Variants in SLC24A3 observed in about 807,000 individuals in gnomAD.
SLC24A3 encodes solute carrier family 24 member 3.
A neutral mutation model predicts 75.8 loss-of-function variants in SLC24A3; 28 were observed. The observed-to-expected ratio is 0.37, with a 90% CI of 0.27 to 0.51. The LOEUF (loss-of-function observed/expected upper bound fraction) is 0.51. SLC24A3 is among the 20% of genes least tolerant of loss of function. The pLI, the probability that SLC24A3 is intolerant of heterozygous loss-of-function variation, is 0.94. For synonymous variants in SLC24A3, 372 were observed against 334.1 expected, an observed-to-expected ratio of 1.11 and a Z score of -1.24; for missense variants, 663 against 847.8, an observed-to-expected ratio of 0.78 and a Z score of 2.71.
intron 2 of SLC24A3, among the ~76,000 whole-genome samples, chr20:19,400,882 G>C (rs188608125): frequency 5.4e-4 from 82 of 152,156 alleles, no homozygotes; most frequent in Non-Finnish European, 1.1e-3. Flanking sequence ...TATATATTTT[G>C]CTTATTTATT....
chr20:19,255,350 T>C (rs949842805), intron 1 of SLC24A3, among the ~76,000 whole-genome samples: 2 of 152,256 alleles, frequency 1.3e-5, no homozygotes, highest in Non-Finnish European at 2.9e-5. Flanking sequence ...TGATCGTGGC[T>C]GGGCTGTCCC....
intron 7 of SLC24A3, among the ~76,000 whole-genome samples, chr20:19,664,570 C>T (rs942399760): frequency 1.3e-5 from 2 of 152,178 alleles, no homozygotes; most frequent in Admixed American, 6.5e-5. Context: ...GAGGTGTTCT[C>T]TACGTCTCTA....
At chr20:19,489,142 T>G (rs1473511986) in intron 2 of SLC24A3, among the ~76,000 whole-genome samples, 1 of 152,188 alleles carries the variant, frequency 6.6e-6, no homozygotes, top group Non-Finnish European at 1.5e-5. Context: ...CATTCAGAAC[T>G]CCTACAGCCT....
At chr20:19,336,755 A>G (rs1985145770) in intron 2 of SLC24A3, among the ~76,000 whole-genome samples, 1 of 143,284 alleles carries the variant, frequency 7.0e-6, no homozygotes, top group African/African-American at 2.6e-5. Context: ...CAGGGAGAAA[A>G]CCACTCCTTC....
intron 3 of SLC24A3, among the ~76,000 whole-genome samples, chr20:19,522,575 C>T (rs1481661456): frequency 6.6e-6 from 1 of 152,224 alleles, no homozygotes; most frequent in Admixed American, 6.5e-5. Flanking sequence ...TTTTGATCTT[C>T]ACCGTCTCTT....
intron 9 of SLC24A3, among the ~76,000 whole-genome samples, chr20:19,677,230 C>A (rs956523260): frequency 2.0e-5 from 3 of 148,370 alleles, no homozygotes; most frequent in Non-Finnish European, 4.4e-5. Flanking sequence ...AAAGCTGGAG[C>A]GAGAGGATTG....
chr20:19,248,916 G>C (rs377025164), intron 1 of SLC24A3, among the ~76,000 whole-genome samples: 5 of 150,116 alleles, frequency 3.3e-5, no homozygotes, highest in African/African-American at 9.8e-5. Context: ...GCATGATCTC[G>C]TATGTGGAAT....
intron 2 of SLC24A3, among the ~76,000 whole-genome samples, chr20:19,372,371 A>G (rs1986007716): frequency 1.3e-5 from 2 of 152,224 alleles, no homozygotes; most frequent in Admixed American, 1.3e-4. Context: ...AGACAGGAAC[A>G]TCCACAGCTC....
chr20:19,331,473 A>G (rs1427488351), intron 2 of SLC24A3, among the ~76,000 whole-genome samples: 1 of 152,220 alleles, frequency 6.6e-6, no homozygotes, highest in Non-Finnish European at 1.5e-5. Context: ...GATAATAGAT[A>G]GAGATAGAAA....
intron 16 of SLC24A3, among the ~76,000 whole-genome samples, chr20:19,719,707 T>C (rs1319844097): frequency 2.6e-5 from 4 of 152,228 alleles, no homozygotes; most frequent in Non-Finnish European, 4.4e-5. Flanking sequence ...TCCGCATGGC[T>C]GACCGATTTC....
chr20:19,645,868 A>G (rs1219464846), intron 6 of SLC24A3, among the ~76,000 whole-genome samples: 2 of 152,164 alleles, frequency 1.3e-5, no homozygotes, highest in Admixed American at 1.3e-4. Context: ...AGCCTGGGCA[A>G]CATGCAAAAA....
intron 3 of SLC24A3, among the ~76,000 whole-genome samples, chr20:19,567,857 G>A (rs2030985090): frequency 6.6e-6 from 1 of 152,130 alleles, no homozygotes; most frequent in Non-Finnish European, 1.5e-5. Context: ...CTCACAGAAT[G>A]GGAGAAAATA....
At chr20:19,542,765 C>T (rs1039686606) in intron 3 of SLC24A3, among the ~76,000 whole-genome samples, 5 of 152,174 alleles carry the variant, frequency 3.3e-5, no homozygotes, top group African/African-American at 1.2e-4. Context: ...GAGAGCCCCT[C>T]TGAGATCATA....
intron 3 of SLC24A3, among the ~76,000 whole-genome samples, chr20:19,553,067 T>TTTCCTCCC (rs2030723858): frequency 2.0e-5 from 2 of 98,976 alleles, no homozygotes; most frequent in Non-Finnish European, 4.2e-5. Flanking sequence ...CCCTCCTTCC[T>TTTCCTCCC]TCCCTCCCTC....
At chr20:19,530,997 AAAT>A (rs1167638948) in intron 3 of SLC24A3, among the ~76,000 whole-genome samples, 1 of 152,170 alleles carries the variant, frequency 6.6e-6, no homozygotes, top group Non-Finnish European at 1.5e-5. Flanking sequence ...ATTGTCCCCA[AAAT>A]AATAATATTA....
At chr20:19,417,897 C>T (rs1568612717) in intron 2 of SLC24A3, among the ~76,000 whole-genome samples, 1 of 152,158 alleles carries the variant, frequency 6.6e-6, no homozygotes, top group Non-Finnish European at 1.5e-5. Context: ...GAAAGCCAGA[C>T]CTGTACTCTC....
chr20:19,720,023 G>A (rs2033086483), intron 16 of SLC24A3, among the ~76,000 whole-genome samples: 1 of 149,498 alleles, frequency 6.7e-6, no homozygotes, highest in South Asian at 2.2e-4. Context: ...GAAAGGAAGA[G>A]ATTTGAGTCA....
intron 2 of SLC24A3, among the ~76,000 whole-genome samples, chr20:19,489,564 G>C (rs1988176297): frequency 6.6e-6 from 1 of 152,002 alleles, no homozygotes; most frequent in Admixed American, 6.6e-5. Flanking sequence ...TCTCTTTTAT[G>C]GATTTGTTTC....
chr20:19,295,678 C>A (rs1171714576), intron 2 of SLC24A3, among the ~76,000 whole-genome samples: 1 of 152,152 alleles, frequency 6.6e-6, no homozygotes, highest in Non-Finnish European at 1.5e-5. Flanking sequence ...ATATGTTGAA[C>A]CAGCCTTGCA....
Sources: allele counts gnomAD v4.1 joint callset (sites outside exome capture counted in the v4.1 genomes callset), GRCh38; gene constraint gnomAD v4.1.1; transcripts MANE v1.5; gene names NCBI Gene and HGNC (gene_info 2026-07-23, HGNC 2026-07-21).